The following ATP9B variants were observed in gnomAD, a reference collection of about 807,000 sequenced individuals.
ATP9B encodes the protein ATPase phospholipid transporting 9B.
ATP9B carries 110 observed loss-of-function variants against 146.1 expected under a neutral mutation model. The ratio of observed to expected loss-of-function variants is 0.75; its 90% confidence interval spans 0.65 to 0.88. The LOEUF (loss-of-function observed/expected upper bound fraction) is 0.88. ATP9B is among the 40% of genes least tolerant of loss of function. The probability of loss-of-function intolerance (pLI) is 0.00; values close to 1 mark genes in which losing one functional copy is unlikely to be tolerated. For synonymous variants in ATP9B, 604 were observed against 569.7 expected, an observed-to-expected ratio of 1.06 and a Z score of -0.86; for missense variants, 1,499 against 1,496.4, an observed-to-expected ratio of 1.00 and a Z score of -0.03.
At chr18:79,238,437 G>C (rs1423365514) in intron 11 of ATP9B, among the ~76,000 whole-genome samples, 1 of 152,210 alleles carries the variant, frequency 6.6e-6, no homozygotes, top group Non-Finnish European at 1.5e-5. Flanking sequence ...CCCTGCCTGG[G>C]AGCAGCGTGG....
chr18:79,337,243 A>G (rs1228818307), intron 18 of ATP9B, 36 bp from the exon 19 acceptor site: 1 of 1,599,346 alleles, frequency 6.3e-7, no homozygotes, highest in Non-Finnish European at 8.5e-7. Context: ...CAGCACGTAC[A>G]CGTGTGCACA....
chr18:79,109,817 C>T (rs762607569), intron 2 of ATP9B, among the ~76,000 whole-genome samples: 7 of 152,102 alleles, frequency 4.6e-5, no homozygotes, highest in Admixed American at 1.3e-4. Context: ...CCGCCTGCCT[C>T]GGCCTCCCAA....
At chr18:79,085,935 A>G (rs2073782082) in intron 1 of ATP9B, 1 of 152,218 alleles carries the variant, frequency 6.6e-6, no homozygotes, top group Admixed American at 6.5e-5. Flanking sequence ...ATTTTCTATG[A>G]ATCATAAAAC....
chr18:79,311,746 C>T (rs1480656417), intron 15 of ATP9B, among the ~76,000 whole-genome samples: 1 of 152,206 alleles, frequency 6.6e-6, no homozygotes, highest in Non-Finnish European at 1.5e-5. Flanking sequence ...CCCTCAGACT[C>T]TGCGGATCAC....
intron 7 of ATP9B, among the ~76,000 whole-genome samples, chr18:79,157,849 AAT>A (rs2094818567): frequency 3.3e-5 from 5 of 152,268 alleles, no homozygotes; most frequent in African/African-American, 1.2e-4. Context: ...GGTTGGTAGT[AAT>A]GTAACCTCCT....
chr18:79,303,828 A>C (rs774807505), intron 14 of ATP9B, 112 bp downstream of exon 14: 5 of 642,082 alleles, frequency 7.8e-6, no homozygotes, highest in Non-Finnish European at 1.3e-5. Flanking sequence ...TGGTGGTCTT[A>C]ACATCCTGCT....
At chr18:79,287,677 C>G (rs927973358) in intron 13 of ATP9B, among the ~76,000 whole-genome samples, 1 of 151,874 alleles carries the variant, frequency 6.6e-6, no homozygotes, top group Non-Finnish European at 1.5e-5. Context: ...TGTGTTTGCT[C>G]TTGCTTTTCT....
At chr18:79,278,017 C>T (rs1331533562) in intron 13 of ATP9B, among the ~76,000 whole-genome samples, 1 of 152,132 alleles carries the variant, frequency 6.6e-6, no homozygotes, top group Non-Finnish European at 1.5e-5. Context: ...ATAATGGAAG[C>T]TCTAGCCATT....
chr18:79,345,353 G>T, intron 21 of ATP9B, 75 bp from the exon 22 acceptor site: 4 of 1,550,266 alleles, frequency 2.6e-6, no homozygotes, highest in Non-Finnish European at 3.5e-6. Context: ...CCATGGTTTT[G>T]CACTTTCTAC....
At chr18:79,218,357 G>A (rs1181666659) in intron 11 of ATP9B, among the ~76,000 whole-genome samples, 1 of 145,668 alleles carries the variant, frequency 6.9e-6, no homozygotes, top group Non-Finnish European at 1.5e-5. Flanking sequence ...GGCAGCTCCT[G>A]CTTCTTGTCA....
chr18:79,153,957 CTTTTTTTTTTTT>C (rs11285884), intron 6 of ATP9B, among the ~76,000 whole-genome samples: 2 of 103,200 alleles, frequency 1.9e-5, no homozygotes, highest in East Asian at 6.2e-4. Context: ...TGACATGCAG[CTTTTTTTTTTTT>C]TTTTTTTGAG....
At chr18:79,354,960 C>G (rs1568803947) in intron 25 of ATP9B, among the ~76,000 whole-genome samples, 2 of 152,202 alleles carry the variant, frequency 1.3e-5, no homozygotes, top group Non-Finnish European at 2.9e-5. Context: ...CCCACCTCCC[C>G]CTCCCCAAAA....
intron 11 of ATP9B, among the ~76,000 whole-genome samples, chr18:79,243,451 G>A (rs2095909355): frequency 6.6e-6 from 1 of 152,224 alleles, no homozygotes; most frequent in African/African-American, 2.4e-5. Flanking sequence ...AGTGGTAGGT[G>A]CCAGATATCT....
intron 25 of ATP9B, among the ~76,000 whole-genome samples, chr18:79,350,280 G>A (rs2096915575): frequency 1.3e-5 from 2 of 152,210 alleles, no homozygotes; most frequent in South Asian, 2.1e-4. Flanking sequence ...GGAAACCTTC[G>A]CAGGTGTCTT....
At chr18:79,102,599 C>CT (rs2075361911) in intron 2 of ATP9B, among the ~76,000 whole-genome samples, 1 of 152,100 alleles carries the variant, frequency 6.6e-6, no homozygotes, top group Non-Finnish European at 1.5e-5. Flanking sequence ...TTTCAGAAAT[C>CT]TTTAAGTTAT....
chr18:79,293,011 G>A (rs1036310253), intron 13 of ATP9B, among the ~76,000 whole-genome samples: 2 of 151,916 alleles, frequency 1.3e-5, no homozygotes. Flanking sequence ...CACATAGATT[G>A]ATGGACTAGA....
At chr18:79,106,218 G>A (rs139912741) in intron 2 of ATP9B, among the ~76,000 whole-genome samples, 13 of 152,236 alleles carry the variant, frequency 8.5e-5, no homozygotes, top group African/African-American at 2.2e-4. Flanking sequence ...AAACTATTTC[G>A]CGTACATAGA....
chr18:79,221,288 G>C (rs2095674348), intron 11 of ATP9B, among the ~76,000 whole-genome samples: 1 of 152,090 alleles, frequency 6.6e-6, no homozygotes, highest in African/African-American at 2.4e-5. Flanking sequence ...ATGTCCTCCT[G>C]CAGGACATGA....
At chr18:79,098,485 T>A (rs1190074641) in intron 2 of ATP9B, among the ~76,000 whole-genome samples, 1 of 149,888 alleles carries the variant, frequency 6.7e-6, no homozygotes, top group Non-Finnish European at 1.5e-5. Flanking sequence ...CCTACTCATC[T>A]GACAAAGGGC....
Sources: gnomAD v4.1 joint callset for allele counts (sites outside exome capture counted in the v4.1 genomes callset) on GRCh38, gnomAD v4.1.1 for gene constraint, MANE v1.5 for transcripts, NCBI Gene and HGNC (gene_info 2026-07-23, HGNC 2026-07-21) for gene names.